The following BEGAIN variants were observed in gnomAD, a reference collection of about 807,000 sequenced individuals.
BEGAIN encodes the protein brain enriched guanylate kinase associated.
BEGAIN carries 19 observed loss-of-function variants against 35.8 expected under a neutral mutation model. That is an observed-to-expected ratio of 0.53 (90% CI 0.37 to 0.78). BEGAIN has a LOEUF of 0.78. BEGAIN is among the 30% of genes least tolerant of loss of function. The pLI is 0.00. For missense variants in BEGAIN, 795 were observed against 853.6 expected (o/e 0.93, Z 0.85); for synonymous variants, 462 against 388.6 (o/e 1.19, Z -2.22).
chr14:100,587,040 C>A (rs1161232874), intron 1 of BEGAIN, among the ~76,000 whole-genome samples: 1 of 151,776 alleles, frequency 6.6e-6, no homozygotes, highest in Non-Finnish European at 1.5e-5. Context: ...CATCCCCGCC[C>A]CACCCGAGAG....
Position 100,538,249 on chromosome 14 carries a change from A to G in BEGAIN, c.1559T>C (p.Leu520Pro). The change falls in exon 7 of 7, where the codon CTC (leucine) becomes CCC (proline). Residue 520 changes from leucine to proline, a missense_variant. Physicochemically the swap from Leu to Pro is moderately conservative, Grantham distance 98 (BLOSUM62 -3). Around this residue, in one of 3 missense-constraint regions of BEGAIN, gnomAD observed 664 missense variants for 647.7 expected, o/e 1.03. Coordinates refer to ENST00000554140, the MANE Select transcript of BEGAIN (RefSeq NM_001385089.1). ...CFLRAGGDLS[L>P]SPGRSADPLP... ...TGGGTCAGCCGAGCGGCCGGGACTG[A>G]GGCTCAGGTCGCCGCCCGCCCGCAG... is the stretch of plus-strand genomic sequence containing the variant. The G allele has an allele frequency of 6.4e-7, 1 of 1,568,774 alleles. No individual in the cohort carries two copies. Among genetic ancestry groups the G allele is most frequent in the Non-Finnish European group, 8.6e-7 (1 of 1,165,338 alleles).
intron 2 of BEGAIN, among the ~76,000 whole-genome samples, chr14:100,556,858 G>T (rs901135694): frequency 6.6e-6 from 1 of 152,148 alleles, no homozygotes; most frequent in African/African-American, 2.4e-5. Context: ...GGGCAGAGCC[G>T]CCCGGGGCAG....
At chr14:100,550,950 C>T (rs531781286) in intron 2 of BEGAIN, among the ~76,000 whole-genome samples, 36 of 152,312 alleles carry the variant, frequency 2.4e-4, no homozygotes, top group African/African-American at 7.7e-4. Context: ...GGTCCATTGT[C>T]TCAACCTCAG....
At position 100,538,944 on chromosome 14, in the gene BEGAIN, C is replaced by G. The variant is rs752965877; in HGVS notation, c.864G>C (p.Glu288Asp). The G allele has an allele frequency of 1.2e-6, 2 of 1,608,890 alleles. No homozygotes were observed. The highest frequency in any genetic ancestry group is 8.5e-7 in the Non-Finnish European group (1 of 1,178,118). The change falls in exon 7 of 7, where the codon GAG becomes GAC. Residue 288 changes from glutamate (E) to aspartate (D), a missense_variant. Around this residue, in one of 3 missense-constraint regions of BEGAIN, gnomAD observed 664 missense variants for 647.7 expected, o/e 1.03. Coordinates refer to ENST00000554140, the MANE Select transcript of BEGAIN (RefSeq NM_001385089.1). ...AQNSTDSAAEEEEEAEAAAFP... is the reference protein window; with the variant it reads ...AQNSTDSAAEDEEEAEAAAFP... ...AGGCCGCCGCCTCGGCCTCCTCCTC[C>G]TCCTCGGCCGCGCTGTCAGTGGAGT...
chr14:100,550,885 C>T (rs1192750528), intron 2 of BEGAIN, among the ~76,000 whole-genome samples: 2 of 152,186 alleles, frequency 1.3e-5, no homozygotes, highest in Non-Finnish European at 2.9e-5. Flanking sequence ...CAGTTGTTCC[C>T]TGCAGAGCGG....
intron 2 of BEGAIN, among the ~76,000 whole-genome samples, chr14:100,552,649 T>A (rs1010276764): frequency 2.0e-5 from 3 of 152,212 alleles, no homozygotes; most frequent in African/African-American, 7.2e-5. Flanking sequence ...AGGGGAGCCG[T>A]GACCTGTGGG....
intron 4 of BEGAIN, 105 bp from the exon 5 acceptor site, chr14:100,544,070 CAA>C (rs2032026911): frequency 1.3e-6 from 1 of 795,196 alleles, no homozygotes; most frequent in Admixed American, 2.2e-5. Context: ...CCATGAGTGA[CAA>C]GACACTTAGA....
rs897148435 is a variant in BEGAIN at position 100,567,981 on chromosome 14, G to C, written c.43-42C>G. The C allele has an allele frequency of 5.0e-6, 7 of 1,402,136 alleles. No individual in the cohort carries two copies. In the African/African-American group the frequency reaches 7.6e-5, roughly 15 times the overall value. The allele number at this position is 1,402,136 out of a possible 1,614,324, so 86.9% of individuals were successfully genotyped here. ...GAGAGGGTCAGCAGGCAGGAGGCGT[G>C]CGCTCCGCGGCCGCGCCGGGCAGAG... On this transcript the variant is annotated intron_variant, in intron 1 of 6. Coordinates refer to ENST00000554140, the MANE Select transcript of BEGAIN (RefSeq NM_001385089.1). The surrounding 1 kb of genome is among the most constrained non-coding windows in gnomAD (Gnocchi z 5.1).
rs1308403940 is a variant in BEGAIN, at chr14:100,587,401, G to A, written c.-111C>T. 2 of 144,818 alleles carry A rather than the reference G, an allele frequency of 1.4e-5. No individual in the cohort carries two copies. The highest frequency in any genetic ancestry group is 4.0e-4 in the South Asian group (2 of 4,964). The allele number at this position is 144,818 out of a possible 1,614,324, so 9.0% of individuals were successfully genotyped here. A position where few individuals can be genotyped will look rare whatever the true frequency, so the allele number is the denominator to read the frequency against. ...CGGCCGGGGCTCCCCCACCCCGCCC[G>A]GCTTCCCGCAGGGAGCGCCCGCCCC... On this transcript the variant is annotated 5_prime_UTR_variant, in exon 1 of 7. Coordinates refer to ENST00000554140, the MANE Select transcript of BEGAIN (RefSeq NM_001385089.1).
chr14:100,570,063 G>A (rs950335664), intron 1 of BEGAIN, among the ~76,000 whole-genome samples: 4 of 152,174 alleles, frequency 2.6e-5, no homozygotes, highest in African/African-American at 7.2e-5. Context: ...GCCCAGCTGC[G>A]CCTGGACCCC....
In BEGAIN at chr14:100,538,658, C is replaced by T; in HGVS notation, c.1150G>A (p.Ala384Thr). Residue 384 changes from alanine to threonine, a missense_variant, in exon 7 of 7, where the codon GCC (alanine) becomes ACC (threonine). By Grantham distance (58) the Ala-to-Thr change is moderately conservative. Transcript: ENST00000554140. The part of the protein sequence containing the change: ...AVAAPLEAEV[A>T]PGFGRTMSPY... ...GACATGGTCCGCCCGAAGCCTGGGG[C>T]CACTTCGGCCTCCAGCGGGGCCGCC... 1 of 1,550,272 alleles carries T rather than the reference C, an allele frequency of 6.5e-7. No homozygotes were observed.
intron 2 of BEGAIN, among the ~76,000 whole-genome samples, chr14:100,557,080 C>T (rs916363214): frequency 1.6e-5 from 2 of 126,400 alleles, no homozygotes; most frequent in Non-Finnish European, 3.4e-5. Flanking sequence ...CAGCCACACC[C>T]GAGTCAGGGC....
chr14:100,546,424 GCCCC>G (rs1249654937), intron 3 of BEGAIN, 73 bp downstream of exon 3: 1,026 of 47,236 alleles, frequency 0.022, 122 homozygotes, highest in Admixed American at 0.042. Flanking sequence ...CCCTCGCCCC[GCCCC>G]GGCCCTCGCC....
At chr14:100,572,632 G>A (rs1595148723) in intron 1 of BEGAIN, among the ~76,000 whole-genome samples, 2 of 152,282 alleles carry the variant, frequency 1.3e-5, no homozygotes, top group East Asian at 1.9e-4. Context: ...GATGAGCCCT[G>A]GGGGGTTGGG....
chr14:100,545,482 C>G (rs2032249088), intron 3 of BEGAIN: 16 of 965,476 alleles, frequency 1.7e-5, no homozygotes, highest in Non-Finnish European at 2.0e-5. Context: ...TGTGATGGGC[C>G]CCAGGGTGAG....
chr14:100,553,417 C>G (rs2033395742), intron 2 of BEGAIN, among the ~76,000 whole-genome samples: 1 of 152,144 alleles, frequency 6.6e-6, no homozygotes, highest in Non-Finnish European at 1.5e-5. Context: ...TCTGGCCACA[C>G]CCCAACACCA....
rs1452868213 is a variant in BEGAIN at position 100,565,366 on chromosome 14, G to A, written c.71+2545C>T. Among the ~76,000 whole-genome samples, 3 of 152,288 alleles carry A rather than the reference G, an allele frequency of 2.0e-5. No individual in the cohort carries two copies. The East Asian group carries it at 5.8e-4, about 29-fold the overall frequency. ...ACTCGGAAGCAGGGCGACAGCATGGGGGGGCAGCCAGTGGGAGGGACCAGG... is the reference window on the plus strand; with the variant it reads ...ACTCGGAAGCAGGGCGACAGCATGGAGGGGCAGCCAGTGGGAGGGACCAGG... On this transcript the variant is annotated intron_variant, in intron 2 of 6. Transcript: ENST00000554140.
intron 1 of BEGAIN, among the ~76,000 whole-genome samples, chr14:100,570,925 CGCGGCGCT>C (rs1027169287): frequency 2.0e-5 from 3 of 152,192 alleles, no homozygotes; most frequent in Non-Finnish European, 4.4e-5. Flanking sequence ...GCTGGAGAAC[CGCGGCGCT>C]GCCTGGGTCT....
Position 100,567,843 on chromosome 14 carries a change from G to T in BEGAIN, c.71+68C>A. On this transcript the variant is annotated intron_variant, in intron 2 of 6. Coordinates refer to ENST00000554140, the MANE Select transcript of BEGAIN (RefSeq NM_001385089.1). This position sits in a 1 kb window ranked among gnomAD's most constrained non-coding sequence, Gnocchi z 5.1. ...CGCTCGGGTGGAGCCCCCTTCCCCCGCCTTCCCCAGCGCCCTCACCCCCGA... is the reference window on the plus strand; with the variant it reads ...CGCTCGGGTGGAGCCCCCTTCCCCCTCCTTCCCCAGCGCCCTCACCCCCGA... 8.4e-7 allele frequency: 1 copy of T among 1,190,174 alleles called. No homozygotes were observed. The highest frequency in any genetic ancestry group is 1.1e-6 in the Non-Finnish European group (1 of 879,380). 73.7% of individuals were successfully genotyped at this position (1,190,174 alleles called of 1,614,324 possible). A position where few individuals can be genotyped will look rare whatever the true frequency, so the allele number is the denominator to read the frequency against.
Sources: allele counts gnomAD v4.1 joint callset (sites outside exome capture counted in the v4.1 genomes callset), GRCh38; gene constraint gnomAD v4.1.1; regional missense constraint gnomAD v4.1.1; non-coding constraint Gnocchi (gnomAD v3.1); transcripts MANE v1.5; gene names NCBI Gene and HGNC (gene_info 2026-07-23, HGNC 2026-07-21).